Variants in SLC30A8 observed in about 807,000 individuals in gnomAD.
SLC30A8 encodes proton-coupled zinc antiporter SLC30A8.
SLC30A8 carries 27 observed loss-of-function variants against 36.9 expected under a neutral mutation model. The observed-to-expected ratio is 0.73, with a 90% confidence interval of 0.54 to 1.01. SLC30A8 has a LOEUF of 1.01. SLC30A8 is among the 50% of genes least tolerant of loss of function. The pLI is 0.00. For missense variants in SLC30A8, 439 were observed against 452.0 expected (o/e 0.97, Z 0.26); for synonymous variants, 164 against 172.4 (o/e 0.95, Z 0.38).
chr8:117,045,975 A>C (rs1817539032), intron 2 of SLC30A8, among the ~76,000 whole-genome samples: 1 of 151,752 alleles, frequency 6.6e-6, no homozygotes, highest in Non-Finnish European at 1.5e-5. Flanking sequence ...TGACAGAAGA[A>C]AATATCCCAT....
intron 2 of SLC30A8, among the ~76,000 whole-genome samples, chr8:117,045,695 T>C (rs1817529094): frequency 6.6e-6 from 1 of 152,206 alleles, no homozygotes; most frequent in Admixed American, 6.5e-5. Flanking sequence ...GCCTGACATA[T>C]ACTCTGCTCG....
At chr8:116,962,276 A>T (rs1314755618) in intron 1 of SLC30A8, among the ~76,000 whole-genome samples, 8 of 151,968 alleles carry the variant, frequency 5.3e-5, no homozygotes, top group Admixed American at 4.6e-4. Flanking sequence ...TGAACAATAG[A>T]CCTTATAGAG....
At chr8:116,995,620 A>G (rs912130742) in intron 1 of SLC30A8, among the ~76,000 whole-genome samples, 1 of 152,112 alleles carries the variant, frequency 6.6e-6, no homozygotes, top group Non-Finnish European at 1.5e-5. Context: ...AAGGGGAGGC[A>G]CTGAATGTAT....
At chr8:116,959,671 T>C (rs1814348758) in intron 1 of SLC30A8, among the ~76,000 whole-genome samples, 1 of 152,184 alleles carries the variant, frequency 6.6e-6, no homozygotes, top group Non-Finnish European at 1.5e-5. Context: ...CAGCATTTAG[T>C]CTACTGTTAA....
intron 2 of SLC30A8, among the ~76,000 whole-genome samples, chr8:117,042,200 A>G (rs1817407151): frequency 6.6e-6 from 1 of 152,226 alleles, no homozygotes; most frequent in South Asian, 2.1e-4. Flanking sequence ...TTTATGAAAA[A>G]TGATGTCACC....
intron 1 of SLC30A8, among the ~76,000 whole-genome samples, chr8:116,977,294 GC>G (rs1815075398): frequency 6.8e-6 from 1 of 146,884 alleles, no homozygotes; most frequent in South Asian, 2.2e-4. Flanking sequence ...GACTACAGGC[GC>G]CCGCCACCAC....
chr8:116,959,387 TTATC>T (rs1225659574), intron 1 of SLC30A8, among the ~76,000 whole-genome samples: 2 of 152,194 alleles, frequency 1.3e-5, no homozygotes, highest in Non-Finnish European at 2.9e-5. Context: ...TTTAAGGTGT[TTATC>T]TGTCAATTTT....
chr8:117,005,309 A>G (rs1203543814), intron 1 of SLC30A8, among the ~76,000 whole-genome samples: 4 of 152,230 alleles, frequency 2.6e-5, no homozygotes, highest in Non-Finnish European at 5.9e-5. Context: ...ATGGAATCAC[A>G]TAAATCATAT....
chr8:117,082,352 T>C (rs1818700282), intron 2 of SLC30A8, among the ~76,000 whole-genome samples: 1 of 151,984 alleles, frequency 6.6e-6, no homozygotes, highest in Non-Finnish European at 1.5e-5. Context: ...AAGAACCAAA[T>C]GATTAAAAGA....
upstream of SLC30A8, among the ~76,000 whole-genome samples, chr8:117,130,788 G>A (rs1194118434): frequency 1.3e-5 from 2 of 152,006 alleles, no homozygotes; most frequent in Admixed American, 6.6e-5. Flanking sequence ...CCTAGAGGGC[G>A]TTTTTGAGGG....
intron 2 of SLC30A8, among the ~76,000 whole-genome samples, chr8:117,059,611 G>A (rs1396285649): frequency 1.3e-5 from 2 of 152,198 alleles, no homozygotes; most frequent in African/African-American, 4.8e-5. Flanking sequence ...CAAAAGCCCA[G>A]TTCTGGACCT....
chr8:116,984,336 A>G (rs1206482073), intron 1 of SLC30A8, among the ~76,000 whole-genome samples: 2 of 152,180 alleles, frequency 1.3e-5, no homozygotes, highest in Non-Finnish European at 2.9e-5. Flanking sequence ...CAGGAGTACA[A>G]CTGTTAAGTC....
chr8:117,036,124 A>G (rs1426709490), intron 1 of SLC30A8, among the ~76,000 whole-genome samples: 1 of 152,028 alleles, frequency 6.6e-6, no homozygotes, highest in African/African-American at 2.4e-5. Context: ...CCCCCAGAAA[A>G]TGGGGTTTTC....
chr8:117,047,969 A>C (rs373989086), intron 2 of SLC30A8, among the ~76,000 whole-genome samples: 1 of 152,218 alleles, frequency 6.6e-6, no homozygotes, highest in African/African-American at 2.4e-5. Flanking sequence ...GTTACTCTAT[A>C]TGGTCTAAGA....
intron 1 of SLC30A8, among the ~76,000 whole-genome samples, chr8:117,136,905 G>A (rs1427205425): frequency 3.9e-5 from 6 of 151,920 alleles, no homozygotes; most frequent in African/African-American, 1.4e-4. Context: ...AAACTCATTT[G>A]TATTTTCTTG....
chr8:117,090,344 A>G (rs73315666), intron 2 of SLC30A8, among the ~76,000 whole-genome samples: 14,976 of 150,354 alleles, frequency 0.1, 1,245 homozygotes, highest in African/African-American at 0.23. Flanking sequence ...TCATTTGTGC[A>G]TTTACTAAAT....
chr8:116,990,612 C>T (rs1586368709), intron 1 of SLC30A8, among the ~76,000 whole-genome samples: 1 of 152,028 alleles, frequency 6.6e-6, no homozygotes, highest in East Asian at 1.9e-4. Context: ...GAGTCTGAGG[C>T]AACGTGATGA....
At chr8:116,990,648 T>C (rs963887608) in intron 1 of SLC30A8, among the ~76,000 whole-genome samples, 4 of 152,042 alleles carry the variant, frequency 2.6e-5, no homozygotes, top group African/African-American at 9.7e-5. Context: ...TGTCTCGGAA[T>C]GGAAAGAGAA....
intron 3 of SLC30A8, among the ~76,000 whole-genome samples, chr8:117,156,281 A>C (rs6990569): frequency 0.17 from 26,439 of 152,124 alleles, 2,727 homozygotes; most frequent in East Asian, 0.27. Flanking sequence ...GACCTCAGGC[A>C]ATCCGCTTGC....
Sources: allele counts gnomAD v4.1 joint callset (sites outside exome capture counted in the v4.1 genomes callset), GRCh38; gene constraint gnomAD v4.1.1; transcripts MANE v1.5; gene names NCBI Gene and HGNC (gene_info 2026-07-23, HGNC 2026-07-21).